SRRM1: variants seen among roughly 807,000 people sequenced by gnomAD.
The protein encoded by SRRM1 is serine/arginine repetitive matrix protein 1.
SRRM1 carries 19 observed loss-of-function variants against 110.2 expected under a neutral mutation model. The observed-to-expected ratio is 0.17, with a 90% CI of 0.12 to 0.25. SRRM1 has a LOEUF of 0.25. SRRM1 is among the 10% of genes least tolerant of loss of function. The probability of loss-of-function intolerance (pLI) is 1.00; values close to 1 mark genes in which losing one functional copy is unlikely to be tolerated. For missense variants in SRRM1, 918 were observed against 1,145.8 expected (o/e 0.80, Z 2.87); for synonymous variants, 443 against 414.9 (o/e 1.07, Z -0.82).
At chr1:24,647,695 CTGA>C (rs1658365322) in intron 3 of SRRM1, 1 of 152,586 alleles carries the variant, frequency 6.6e-6, no homozygotes, top group Non-Finnish European at 1.5e-5. Context: ...GGCATTTCAA[CTGA>C]TAAGGTATTT....
intron 12 of SRRM1, among the ~76,000 whole-genome samples, chr1:24,664,587 T>C (rs2148656758): frequency 6.6e-6 from 1 of 152,312 alleles, no homozygotes; most frequent in East Asian, 1.9e-4. Context: ...TGTAGCTCAG[T>C]TTTTGAAGCT....
At chr1:24,668,084 G>C (rs1159760021) in intron 13 of SRRM1, among the ~76,000 whole-genome samples, 1 of 144,120 alleles carries the variant, frequency 6.9e-6, no homozygotes, top group Non-Finnish European at 1.5e-5. Context: ...CGATTCTCCT[G>C]CCTCAGCCTC....
chr1:24,666,772 CAAAAA>C (rs761064971), intron 12 of SRRM1, 38 bp from the exon 13 acceptor site: 2 of 1,523,792 alleles, frequency 1.3e-6, no homozygotes. Context: ...CACACACACA[CAAAAA>C]AAAGAAAAAA....
chr1:24,661,326 C>T lies in SRRM1; in HGVS notation c.1413C>T (p.Gly471=). 1 of 1,612,342 alleles carries T rather than the reference C, an allele frequency of 6.2e-7. No homozygotes were observed. Among genetic ancestry groups the T allele is most frequent in the Admixed American group, 1.7e-5 (1 of 59,864 alleles). ...ELSESEEDKG[G]KMAAADSVQQ... ...ATCTTTCAGAAGAAGATAAAGGTGG[C>T]AAAATGGCTGCAGCAGATTCTGTGC... The change falls in exon 11 of 17, where the codon GGC becomes GGT. Residue 471 remains glycine, a synonymous_variant. Transcript: ENST00000323848.
intron 4 of SRRM1, 96 bp downstream of exon 4, chr1:24,649,125 G>A (rs901072872): frequency 1.3e-5 from 16 of 1,191,742 alleles, no homozygotes; most frequent in Non-Finnish European, 1.9e-5. Context: ...GGATCTTCAT[G>A]TAGTTTTGCT....
intron 9 of SRRM1, among the ~76,000 whole-genome samples, chr1:24,656,882 T>C (rs1664433643): frequency 6.6e-6 from 1 of 152,202 alleles, no homozygotes; most frequent in Non-Finnish European, 1.5e-5. Context: ...CATATACTTT[T>C]TGCAAACAAG....
At chr1:24,651,703 A>G in intron 6 of SRRM1, 91 bp downstream of exon 6, 1 of 1,030,186 alleles carries the variant, frequency 9.7e-7, no homozygotes, top group South Asian at 1.6e-5. Context: ...AAAACTACTT[A>G]TTTTCCTTTT....
intron 9 of SRRM1, among the ~76,000 whole-genome samples, chr1:24,658,391 A>G (rs1665411959): frequency 6.6e-6 from 1 of 152,144 alleles, no homozygotes; most frequent in Non-Finnish European, 1.5e-5. Flanking sequence ...AAATGTATTA[A>G]TAAAGACTAC....
intron 4 of SRRM1, among the ~76,000 whole-genome samples, chr1:24,649,747 A>G (rs1659536641): frequency 6.6e-6 from 1 of 151,826 alleles, no homozygotes; most frequent in African/African-American, 2.4e-5. Context: ...TCTTTAGTTC[A>G]GGTCTTAGAG....
rs1051528604 is a variant in SRRM1, at chr1:24,673,101, A to G, written c.*815A>G. 2.0e-4 allele frequency: 31 copies of G among 151,874 alleles called. No individual in the cohort carries two copies. The highest frequency in any genetic ancestry group is 7.2e-4 in the African/African-American group (30 of 41,428). The allele number at this position is 151,874 out of a possible 1,614,324, so 9.4% of individuals were successfully genotyped here. On this transcript the variant is annotated 3_prime_UTR_variant, in exon 17 of 17. Coordinates refer to ENST00000323848, the MANE Select transcript of SRRM1 (RefSeq NM_005839.4). ...TGTCTTGTTCTTCCAATTGGTATAT[A>G]CAACTTTCAGAGCCTCTTGTATTTG...
Position 24,671,508 on chromosome 1 carries a change from T to A in SRRM1, c.2523T>A (p.Ala841=). 1 of 1,612,570 alleles carries A rather than the reference T, an allele frequency of 6.2e-7. No individual in the cohort carries two copies. The highest frequency in any genetic ancestry group is 8.5e-7 in the Non-Finnish European group (1 of 1,179,230). The change falls in exon 16 of 17, where the codon GCT becomes GCA. Residue 841 remains alanine (A), a synonymous_variant. Coordinates refer to ENST00000323848, the MANE Select transcript of SRRM1 (RefSeq NM_005839.4). ...AGGAAAAGGCTGTGGCTGCAGCTGC[T>A]GCAGCTGCTGTGACCCCTGCAGCCA... ...HKKEKAVAAA[A]AAAVTPAAIA... is the part of the protein sequence containing the mutation.
At chr1:24,650,152 T>A in intron 5 of SRRM1, 66 bp downstream of exon 5, 1 of 1,424,878 alleles carries the variant, frequency 7.0e-7, no homozygotes, top group Non-Finnish European at 9.2e-7. Context: ...ACTTCCTTAG[T>A]TAAAAAGGAA....
chr1:24,671,269 C>A, intron 15 of SRRM1, 117 bp from the exon 16 acceptor site: 1 of 1,141,868 alleles, frequency 8.8e-7, no homozygotes, highest in Non-Finnish European at 1.3e-6. Context: ...CCCTCCAAAG[C>A]CTTTCGGAAA....
chr1:24,649,101 A>G (rs2148253565), intron 4 of SRRM1, 72 bp downstream of exon 4: 8 of 1,380,256 alleles, frequency 5.8e-6, no homozygotes, highest in East Asian at 2.3e-5. Context: ...CTTAGGTAGT[A>G]TATGACTCAG....
intron 3 of SRRM1, 136 bp downstream of exon 3, chr1:24,646,925 T>G: frequency 1.4e-6 from 1 of 691,348 alleles, no homozygotes; most frequent in Admixed American, 3.5e-5. Context: ...ATTCACTTTG[T>G]AAACAACTAT....
intron 12 of SRRM1, among the ~76,000 whole-genome samples, chr1:24,665,782 C>G (rs1420421255): frequency 6.6e-6 from 1 of 152,172 alleles, no homozygotes; most frequent in Non-Finnish European, 1.5e-5. Context: ...TCTTAGTCCC[C>G]ACAAAGCATA....
chr1:24,651,344 C>T (rs1003322612), intron 5 of SRRM1, 65 bp from the exon 6 acceptor site: 8 of 1,308,114 alleles, frequency 6.1e-6, no homozygotes, highest in African/African-American at 1.5e-5. Flanking sequence ...CCTCACTTCT[C>T]CCTTTGACTC....
At chr1:24,660,859 GAT>G in intron 10 of SRRM1, 60 bp downstream of exon 10, 1 of 1,299,250 alleles carries the variant, frequency 7.7e-7, no homozygotes, top group South Asian at 1.3e-5. Context: ...TCTTAAAGCT[GAT>G]TTTGATTTTT....
At position 24,651,622 on chromosome 1, in the gene SRRM1, TA is replaced by T. The variant is rs1435036218; in HGVS notation, c.725+15del. The T allele has an allele frequency of 6.3e-7, 1 of 1,578,208 alleles. No individual in the cohort carries two copies. Among genetic ancestry groups the T allele is most frequent in the Non-Finnish European group, 8.6e-7 (1 of 1,159,098 alleles). On this transcript the variant is annotated intron_variant, in intron 6 of 16. Coordinates refer to ENST00000323848, the MANE Select transcript of SRRM1 (RefSeq NM_005839.4). ...AGGCTACTTCTACTAGGCAAGTATA[TA>T]AAAATTCATTTATAAATAATCACAA...
Sources: allele counts gnomAD v4.1 joint callset (sites outside exome capture counted in the v4.1 genomes callset), GRCh38; gene constraint gnomAD v4.1.1; transcripts MANE v1.5; gene names NCBI Gene and HGNC (gene_info 2026-07-23, HGNC 2026-07-21).